The following TEX14 variants were observed in gnomAD, a reference collection of about 807,000 sequenced individuals.
TEX14 encodes the protein inactive serine/threonine-protein kinase TEX14.
In TEX14, 168 loss-of-function variants were observed where a neutral mutation model predicts 178.6. That is an observed-to-expected ratio of 0.94 (90% CI 0.83 to 1.07). The LOEUF is 1.07. Among genes scored for constraint, TEX14 ranks in the 50% least tolerant of loss-of-function variants. The pLI, the probability that TEX14 is intolerant of heterozygous loss-of-function variation, is 0.00. For missense variants in TEX14, 1,730 were observed against 1,753.6 expected (o/e 0.99, Z 0.24); for synonymous variants, 626 against 634.1 (o/e 0.99, Z 0.19).
intron 15 of TEX14, among the ~76,000 whole-genome samples, chr17:58,590,938 A>G (rs751210509): frequency 2.6e-5 from 4 of 151,994 alleles, no homozygotes; most frequent in Non-Finnish European, 4.4e-5. Context: ...AGTGAAAATC[A>G]TGACATAAAA....
chr17:58,648,753 C>A (rs1299775895), intron 2 of TEX14, among the ~76,000 whole-genome samples: 2 of 151,624 alleles, frequency 1.3e-5, no homozygotes, highest in Non-Finnish European at 2.9e-5. Flanking sequence ...GGGAAAGCCA[C>A]AGCCTTCTAA....
At chr17:58,570,029 T>G (rs1216822220) in intron 25 of TEX14, among the ~76,000 whole-genome samples, 1 of 152,080 alleles carries the variant, frequency 6.6e-6, no homozygotes, top group Non-Finnish European at 1.5e-5. Flanking sequence ...CTACATATAT[T>G]TATGAACAAT....
At chr17:58,640,299 C>G (rs1211702002) in intron 2 of TEX14, among the ~76,000 whole-genome samples, 1 of 144,532 alleles carries the variant, frequency 6.9e-6, no homozygotes, top group Non-Finnish European at 1.5e-5. Flanking sequence ...CAGCGAGACT[C>G]TGTCCCAAAA....
At chr17:58,667,814 G>A (rs2047238557) in intron 1 of TEX14, among the ~76,000 whole-genome samples, 3 of 151,856 alleles carry the variant, frequency 2.0e-5, no homozygotes, top group African/African-American at 7.3e-5. Flanking sequence ...GAACCCGGGA[G>A]GCGAAGGTTG....
At chr17:58,610,563 G>T (rs1483906684) in intron 10 of TEX14, among the ~76,000 whole-genome samples, 2 of 152,168 alleles carry the variant, frequency 1.3e-5, no homozygotes, top group Non-Finnish European at 2.9e-5. Context: ...ATTGCAATGT[G>T]AGCGAGAAAT....
At position 58,599,486 on chromosome 17, in the gene TEX14, A is replaced by T; in HGVS notation, c.1859T>A (p.Phe620Tyr). 6.2e-7 allele frequency: 1 copy of T among 1,609,018 alleles called. No homozygotes were observed. Among genetic ancestry groups the T allele is most frequent in the Non-Finnish European group, 8.5e-7 (1 of 1,178,028 alleles). ...PSTGQPSLCS[F>Y]EINEIYSGCL... ...GCCTGAGTAGATCTCGTTGATTTCGAAACTGCAGAGGCTTGGCTGACCTGT... is the reference window on the plus strand; with the variant it reads ...GCCTGAGTAGATCTCGTTGATTTCGTAACTGCAGAGGCTTGGCTGACCTGT... The change falls in exon 14 of 32, where the codon TTC becomes TAC. Residue 620 changes from phenylalanine to tyrosine, a missense_variant. Coordinates refer to ENST00000349033, the MANE Select transcript of TEX14 (RefSeq NM_031272.5).
At chr17:58,565,904 G>T in intron 26 of TEX14, 80 bp from the exon 27 acceptor site, 2 of 1,129,304 alleles carry the variant, frequency 1.8e-6, no homozygotes, top group East Asian at 2.6e-5. Flanking sequence ...GGTTCTCCAA[G>T]GGTGATCCTT....
chr17:58,686,722 A>G (rs1057019319), intron 1 of TEX14, among the ~76,000 whole-genome samples: 1 of 152,114 alleles, frequency 6.6e-6, no homozygotes, highest in Admixed American at 6.6e-5. Context: ...TACTGCTAGT[A>G]TATATGTCTG....
intron 2 of TEX14, among the ~76,000 whole-genome samples, chr17:58,640,644 T>TGTGTGTGTGAGA (rs1555577606): frequency 1.8e-4 from 26 of 147,052 alleles, no homozygotes; most frequent in African/African-American, 6.0e-4. Context: ...TGTGTGTGTG[T>TGTGTGTGTGAGA]GAGAGAGAGA....
chr17:58,562,500 G>A (rs1235519226), intron 28 of TEX14, among the ~76,000 whole-genome samples: 1 of 151,868 alleles, frequency 6.6e-6, no homozygotes, highest in East Asian at 1.9e-4. Context: ...CACGTAAAAA[G>A]AGCTTAATTT....
chr17:58,662,413 TCTCACACACACA>T lies in TEX14; in HGVS notation c.-1-10423_-1-10412del, dbSNP rs1216593739. On this transcript the variant is annotated intron_variant, in intron 1 of 31. Coordinates refer to ENST00000349033, the MANE Select transcript of TEX14 (RefSeq NM_031272.5). ...TGTGTACAGATATATAGCACACATA[TCTCACACACACA>T]CACACACACACACACACACACACAC... Among the ~76,000 whole-genome samples, 619 of 127,736 alleles carry T rather than the reference TCTCACACACACA, an allele frequency of 4.8e-3. 1 individual carries two copies. The highest frequency in any genetic ancestry group is 8.3e-3 in the Non-Finnish European group (517 of 62,202). 83.8% of individuals were successfully genotyped at this position (127,736 alleles called of 152,430 possible).
chr17:58,683,377 C>CT (rs1377632717), intron 1 of TEX14, among the ~76,000 whole-genome samples: 1 of 149,092 alleles, frequency 6.7e-6, no homozygotes, highest in Admixed American at 6.8e-5. Flanking sequence ...CATCCCCCCC[C>CT]CCAAAAAAAA....
chr17:58,666,301 T>G (rs568503018), intron 1 of TEX14, among the ~76,000 whole-genome samples: 13 of 151,388 alleles, frequency 8.6e-5, no homozygotes, highest in African/African-American at 2.9e-4. Context: ...TGAGCCGAGA[T>G]TGCTCCACTG....
At chr17:58,570,676 A>C (rs773536739) in intron 24 of TEX14, among the ~76,000 whole-genome samples, 192 bp from the exon 25 acceptor site, 1 of 116,618 alleles carries the variant, frequency 8.6e-6, no homozygotes, top group Non-Finnish European at 1.6e-5. Flanking sequence ...CCCAGGCTGG[A>C]GTGCAGTGGC....
chr17:58,646,029 G>T (rs999548463), intron 2 of TEX14, among the ~76,000 whole-genome samples: 12 of 151,850 alleles, frequency 7.9e-5, no homozygotes, highest in African/African-American at 2.9e-4. Flanking sequence ...ATTTTTTATT[G>T]TAGTGTTATT....
At chr17:58,660,515 C>A (rs1454645386) in intron 1 of TEX14, 6 of 722,518 alleles carry the variant, frequency 8.3e-6, no homozygotes, top group African/African-American at 1.8e-5. Context: ...GAGGGGAAGG[C>A]TGCATGGTTT....
intron 3 of TEX14, among the ~76,000 whole-genome samples, chr17:58,626,846 G>C (rs574161193): frequency 1.3e-5 from 2 of 152,092 alleles, no homozygotes; most frequent in Non-Finnish European, 2.9e-5. Context: ...ACTCCACCTG[G>C]AAAACAGAGT....
chr17:58,573,239 T>G lies in TEX14; in HGVS notation c.3453A>C (p.Ser1151=). The change falls in exon 23 of 32, where the codon TCA becomes TCC. Residue 1151 remains serine, a synonymous_variant. Transcript: ENST00000349033. ...CATGGTTTATTTTGGGTGTTTTGCA[T>G]GAAGCTTCCTTAAAAGAGCTGTCTG... ...YEPDSSFKEA[S]CKTPKINHAP... is the part of the protein sequence containing the mutation. 1 of 1,614,164 alleles carries G rather than the reference T, an allele frequency of 6.2e-7. No homozygotes were observed. Among genetic ancestry groups the G allele is most frequent in the Non-Finnish European group, 8.5e-7 (1 of 1,180,006 alleles).
chr17:58,659,357 C>T (rs78947746), intron 1 of TEX14: 10 of 982,560 alleles, frequency 1.0e-5, no homozygotes, highest in Non-Finnish European at 1.2e-5. Flanking sequence ...ACACAACATA[C>T]TCATGGCAAA....
Sources: allele counts gnomAD v4.1 joint callset (sites outside exome capture counted in the v4.1 genomes callset), GRCh38; gene constraint gnomAD v4.1.1; transcripts MANE v1.5; gene names NCBI Gene and HGNC (gene_info 2026-07-23, HGNC 2026-07-21).